SYT15B: variants seen among roughly 807,000 people sequenced by gnomAD.
SYT15B encodes the protein synaptotagmin-15.
At chr10:47,745,313 TA>T in the SYT15B span, among the ~76,000 whole-genome samples, 35 of 146,584 alleles carry the variant, frequency 2.4e-4, no homozygotes, top group African/African-American at 8.7e-4. Flanking sequence ...CCATCCCCTT[TA>T]AAAGTATTTA....
At chr10:47,762,385 G>A in the SYT15B span, among the ~76,000 whole-genome samples, 2 of 124,778 alleles carry the variant, frequency 1.6e-5, no homozygotes, top group African/African-American at 3.0e-5. Context: ...GTGCGGCCGC[G>A]GGGCATTCAG....
the SYT15B span, chr10:47,763,035 C>G: frequency 5.7e-5 from 60 of 1,058,796 alleles, no homozygotes; most frequent in Admixed American, 5.6e-5. Flanking sequence ...CCTTCACCGC[C>G]GCGTCTGACA....
At chr10:47,755,193 A>G in the SYT15B span, among the ~76,000 whole-genome samples, 87 of 151,038 alleles carry the variant, frequency 5.8e-4, no homozygotes, top group Middle Eastern at 3.5e-3. Flanking sequence ...TTGATGTCGT[A>G]ATCCACCCCT....
At chr10:47,749,607 A>C in the SYT15B span, among the ~76,000 whole-genome samples, 2 of 150,722 alleles carry the variant, frequency 1.3e-5, no homozygotes, top group Admixed American at 6.6e-5. Context: ...AATGTACAGA[A>C]GTTGTAATCT....
At chr10:47,756,897 G>A in the SYT15B span, among the ~76,000 whole-genome samples, 1 of 144,574 alleles carries the variant, frequency 6.9e-6, no homozygotes, top group Non-Finnish European at 1.5e-5. Flanking sequence ...GGTGGAGGTG[G>A]AGGCAGGCAG....
At chr10:47,761,232 T>C in the SYT15B span, among the ~76,000 whole-genome samples, 2 of 148,270 alleles carry the variant, frequency 1.3e-5, no homozygotes, top group Non-Finnish European at 3.0e-5. Context: ...GACCTGTTGC[T>C]TATGTGCACT....
the SYT15B span, among the ~76,000 whole-genome samples, chr10:47,748,647 C>T: frequency 2.6e-5 from 4 of 152,218 alleles, no homozygotes; most frequent in Admixed American, 2.6e-4. Flanking sequence ...CTCCTTCCTG[C>T]CTCCCTCCTG....
At chr10:47,747,903 G>A in the SYT15B span, among the ~76,000 whole-genome samples, 6 of 151,770 alleles carry the variant, frequency 4.0e-5, no homozygotes, top group African/African-American at 1.5e-4. Context: ...CTTAGCATAT[G>A]GGTTAACTAC....
the SYT15B span, among the ~76,000 whole-genome samples, chr10:47,749,265 C>A: frequency 3.3e-5 from 4 of 123,062 alleles, no homozygotes; most frequent in South Asian, 5.8e-4. Context: ...CACAAAAAAA[C>A]CTGAGAAAAT....
chr10:47,762,643 G>A, the SYT15B span: 2 of 690,276 alleles, frequency 2.9e-6, no homozygotes, highest in Non-Finnish European at 4.0e-6. Flanking sequence ...CCCGCCATGG[G>A]GCTGCTCCCG....
chr10:47,755,049 C>G, the SYT15B span, among the ~76,000 whole-genome samples: 5 of 145,150 alleles, frequency 3.4e-5, no homozygotes, highest in African/African-American at 1.3e-4. Flanking sequence ...CTCTGCCTCC[C>G]GGGTTCAAGT....
At chr10:47,755,182 C>G in the SYT15B span, among the ~76,000 whole-genome samples, 1 of 151,550 alleles carries the variant, frequency 6.6e-6, no homozygotes, top group Non-Finnish European at 1.5e-5. Flanking sequence ...GTCTTGATCT[C>G]TTGATGTCGT....
At chr10:47,761,238 G>C in the SYT15B span, among the ~76,000 whole-genome samples, 20 of 147,900 alleles carry the variant, frequency 1.4e-4, no homozygotes, top group African/African-American at 5.0e-4. Context: ...TTGCTTATGT[G>C]CACTGAGCCT....
At chr10:47,760,639 A>G in the SYT15B span, 1 of 750,426 alleles carries the variant, frequency 1.3e-6, no homozygotes, top group Non-Finnish European at 2.1e-6. Context: ...AGCACTTCAT[A>G]AATGAAAGCA....
the SYT15B span, among the ~76,000 whole-genome samples, chr10:47,761,131 A>T: frequency 6.9e-6 from 1 of 144,878 alleles, no homozygotes; most frequent in East Asian, 2.1e-4. Context: ...CACACACAGC[A>T]GTGGGATTTG....
the SYT15B span, among the ~76,000 whole-genome samples, chr10:47,756,987 G>A: frequency 1.8e-4 from 22 of 124,436 alleles, no homozygotes; most frequent in East Asian, 2.1e-3. Flanking sequence ...AGAACCCTCC[G>A]TAGGGGAGGC....
At chr10:47,749,257 C>A in the SYT15B span, among the ~76,000 whole-genome samples, 32 of 114,994 alleles carry the variant, frequency 2.8e-4, no homozygotes, top group African/African-American at 9.4e-4. Flanking sequence ...CAAAAAAACA[C>A]AAAAAAACCT....
At chr10:47,755,049 C>T in the SYT15B span, among the ~76,000 whole-genome samples, 52 of 145,220 alleles carry the variant, frequency 3.6e-4, no homozygotes, top group African/African-American at 1.1e-3. Context: ...CTCTGCCTCC[C>T]GGGTTCAAGT....
chr10:47,749,329 A>G, the SYT15B span, among the ~76,000 whole-genome samples: 4 of 150,358 alleles, frequency 2.7e-5, no homozygotes, highest in Non-Finnish European at 5.9e-5. Flanking sequence ...TTCTTCAGGT[A>G]GAAGAAAACT....
Sources: gnomAD v4.1 joint callset for allele counts (sites outside exome capture counted in the v4.1 genomes callset) on GRCh38, gnomAD v4.1.1 for gene constraint, MANE v1.5 for transcripts, NCBI Gene and HGNC (gene_info 2026-07-23, HGNC 2026-07-21) for gene names.